AGBL1: variants seen among roughly 807,000 people sequenced by gnomAD.
The protein encoded by AGBL1 is AGBL carboxypeptidase 1.
AGBL1 carries 130 observed loss-of-function variants against 118.9 expected under a neutral mutation model. The ratio of observed to expected loss-of-function variants is 1.09; its 90% CI spans 0.95 to 1.26. The LOEUF is 1.26. Among genes scored for constraint, AGBL1 ranks in the 50% most tolerant of loss-of-function variants. The pLI, the probability that AGBL1 is intolerant of heterozygous loss-of-function variation, is 0.00. For synonymous variants in AGBL1, 555 were observed against 478.9 expected (o/e 1.16, Z -2.08); for missense variants, 1,584 against 1,298.1 (o/e 1.22, Z -3.38).
intron 22 of AGBL1, among the ~76,000 whole-genome samples, chr15:86,695,555 C>T (rs1380341876): frequency 2.0e-5 from 3 of 151,800 alleles, no homozygotes; most frequent in Non-Finnish European, 4.4e-5. Context: ...CTTTTTGTTT[C>T]ATTTATTTTT....
rs186713487 is a variant in AGBL1 at position 86,097,181 on chromosome 15, T to A, written c.51+17158T>A. ...CCTGATTCTTTTTGATGTTTATTTTTAGAATTGATACATCATATTTTTACA... is the reference window on the plus strand; with the variant it reads ...CCTGATTCTTTTTGATGTTTATTTTAAGAATTGATACATCATATTTTTACA... On this transcript the variant is annotated intron_variant, in intron 1 of 22. Coordinates refer to ENST00000614907, the MANE Select transcript of AGBL1 (RefSeq NM_001386094.1). Among the ~76,000 whole-genome samples the A allele has an allele frequency of 3.2e-3, 486 of 152,318 alleles. 4 individuals carry two copies. The highest frequency in any genetic ancestry group is 8.6e-3 in the Admixed American group (131 of 15,286).
At chr15:86,928,661 A>G (rs2080573103) in intron 23 of AGBL1, among the ~76,000 whole-genome samples, 1 of 152,156 alleles carries the variant, frequency 6.6e-6, no homozygotes, top group Admixed American at 6.5e-5. Flanking sequence ...CTGTATGTGT[A>G]TGAATTATAT....
In AGBL1 at chr15:86,858,463, GGTGT is replaced by G. The variant is rs3059715; in HGVS notation, c.3159-48593_3159-48590del. Among the ~76,000 whole-genome samples, 1,095 of 147,144 alleles carry G rather than the reference GGTGT, an allele frequency of 7.4e-3. 3 individuals carry two copies. Among genetic ancestry groups the G allele is most frequent in the Middle Eastern group, 0.011 (3 of 284 alleles). On this transcript the variant is annotated intron_variant, in intron 22 of 22. Coordinates refer to ENST00000614907, the MANE Select transcript of AGBL1 (RefSeq NM_001386094.1). ...AGTTCTCAGTTCACACCTTTCAGGT[GGTGT>G]GTGTGTGTGTGTGTGTGTGTGTGTG...
intron 18 of AGBL1, among the ~76,000 whole-genome samples, chr15:86,457,563 G>A (rs2082276881): frequency 6.6e-6 from 1 of 152,142 alleles, no homozygotes; most frequent in Admixed American, 6.5e-5. Context: ...GAGCATCTAT[G>A]TCTCGGGAAA....
intron 17 of AGBL1, among the ~76,000 whole-genome samples, chr15:86,394,448 C>T (rs141501556): frequency 2.4e-3 from 370 of 152,194 alleles, no homozygotes; most frequent in African/African-American, 4.6e-3. Context: ...AAAGCACACA[C>T]GAATGCATGT....
At chr15:86,741,211 A>C (rs1459011377) in intron 22 of AGBL1, among the ~76,000 whole-genome samples, 1 of 151,738 alleles carries the variant, frequency 6.6e-6, no homozygotes, top group Non-Finnish European at 1.5e-5. Context: ...TTTCGTTCCA[A>C]GGGCTACAGG....
intron 22 of AGBL1, among the ~76,000 whole-genome samples, chr15:86,791,161 C>A (rs762414137): frequency 3.3e-5 from 5 of 152,096 alleles, no homozygotes; most frequent in Non-Finnish European, 5.9e-5. Flanking sequence ...ATGAATCCTC[C>A]CAGTTAGTTA....
At chr15:86,213,982 T>C (rs1014892368) in intron 5 of AGBL1, among the ~76,000 whole-genome samples, 1 of 152,204 alleles carries the variant, frequency 6.6e-6, no homozygotes, top group African/African-American at 2.4e-5. Flanking sequence ...CTCATCATTT[T>C]ATGGGTATCT....
chr15:86,966,064 G>A (rs1043675037), intron 23 of AGBL1, among the ~76,000 whole-genome samples: 16 of 151,990 alleles, frequency 1.1e-4, no homozygotes, highest in Admixed American at 7.9e-4. Context: ...TTGTTTTTGA[G>A]GTCACTGGCA....
chr15:86,450,415 T>C (rs1387736689), intron 18 of AGBL1, among the ~76,000 whole-genome samples: 2 of 152,218 alleles, frequency 1.3e-5, no homozygotes, highest in Non-Finnish European at 2.9e-5. Context: ...GGTAAAATCA[T>C]ACCTATAAGG....
At chr15:86,359,749 A>C (rs1320676122) in intron 17 of AGBL1, among the ~76,000 whole-genome samples, 1 of 151,910 alleles carries the variant, frequency 6.6e-6, no homozygotes, top group Non-Finnish European at 1.5e-5. Context: ...TGTAATTATA[A>C]AATAAGCATA....
chr15:86,821,264 C>T (rs954128586), intron 22 of AGBL1, among the ~76,000 whole-genome samples: 6 of 151,888 alleles, frequency 4.0e-5, no homozygotes, highest in Admixed American at 6.6e-5. Flanking sequence ...CACCATGGCA[C>T]GTGTATACCT....
At chr15:86,212,286 T>A (rs2078112285) in intron 5 of AGBL1, among the ~76,000 whole-genome samples, 1 of 152,232 alleles carries the variant, frequency 6.6e-6, no homozygotes, top group Admixed American at 6.5e-5. Flanking sequence ...AATACGCAAT[T>A]TCCATGTTAC....
At chr15:86,213,962 G>T (rs1201229209) in intron 5 of AGBL1, among the ~76,000 whole-genome samples, 3 of 151,992 alleles carry the variant, frequency 2.0e-5, no homozygotes, top group Admixed American at 6.5e-5. Context: ...TCTACTTTCT[G>T]TCTCTATTTC....
At chr15:86,588,590 AC>A (rs2084288208) in intron 21 of AGBL1, among the ~76,000 whole-genome samples, 1 of 152,182 alleles carries the variant, frequency 6.6e-6, no homozygotes, top group African/African-American at 2.4e-5. Flanking sequence ...GTCAGACACC[AC>A]GGCAACCACA....
intron 22 of AGBL1, among the ~76,000 whole-genome samples, chr15:86,882,765 G>A (rs996807415): frequency 5.3e-5 from 8 of 152,240 alleles, no homozygotes; most frequent in African/African-American, 1.9e-4. Flanking sequence ...CAACTCACTG[G>A]AGGCATTTTC....
intron 22 of AGBL1, among the ~76,000 whole-genome samples, chr15:86,789,413 A>G (rs1420999658): frequency 6.6e-6 from 1 of 152,208 alleles, no homozygotes; most frequent in Non-Finnish European, 1.5e-5. Flanking sequence ...TGGCTTTGGT[A>G]GTTGCTGCCA....
chr15:86,569,714 A>G (rs2083974126), intron 21 of AGBL1, among the ~76,000 whole-genome samples: 1 of 152,218 alleles, frequency 6.6e-6, no homozygotes, highest in African/African-American at 2.4e-5. Context: ...GAATTAAATA[A>G]AAATCAAGAG....
chr15:86,309,089 A>G (rs2079883208), intron 17 of AGBL1, among the ~76,000 whole-genome samples: 1 of 152,144 alleles, frequency 6.6e-6, no homozygotes, highest in African/African-American at 2.4e-5. Context: ...GTCTTCTTCA[A>G]TTTATTTTTC....
Sources: gnomAD v4.1 joint callset for allele counts (sites outside exome capture counted in the v4.1 genomes callset) on GRCh38, gnomAD v4.1.1 for gene constraint, MANE v1.5 for transcripts, NCBI Gene and HGNC (gene_info 2026-07-23, HGNC 2026-07-21) for gene names.